The following SSBP3 variants were observed in gnomAD, a reference collection of about 807,000 sequenced individuals.
The protein encoded by SSBP3 is single-stranded DNA-binding protein 3.
SSBP3 carries 5 observed loss-of-function variants against 69.6 expected under a neutral mutation model. The observed-to-expected ratio is 0.07, with a 90% CI of 0.04 to 0.15. The LOEUF is 0.15. Among genes scored for constraint, SSBP3 ranks in the 10% least tolerant of loss-of-function variants. The pLI, the probability that SSBP3 is intolerant of heterozygous loss-of-function variation, is 1.00. For missense variants in SSBP3, 312 were observed against 534.0 expected, an observed-to-expected ratio of 0.58 and a Z score of 4.10; for synonymous variants, 196 against 193.4, an observed-to-expected ratio of 1.01 and a Z score of -0.11.
At chr1:54,310,827 A>G (rs10788978) in intron 4 of SSBP3, among the ~76,000 whole-genome samples, 151,209 of 152,334 alleles carry the variant, frequency 0.99, 75,046 homozygotes, top group East Asian at 1. Flanking sequence ...ACCTGTGAGG[A>G]TGGGGGGAGA....
At chr1:54,389,045 G>T (rs1308345879) in intron 4 of SSBP3, among the ~76,000 whole-genome samples, 1 of 152,194 alleles carries the variant, frequency 6.6e-6, no homozygotes, top group Non-Finnish European at 1.5e-5. Context: ...AGTTCTAGAA[G>T]AATCGGGTCT....
chr1:54,249,120 CATG>C (rs537680575), intron 9 of SSBP3, among the ~76,000 whole-genome samples: 18 of 152,214 alleles, frequency 1.2e-4, no homozygotes, highest in African/African-American at 4.1e-4. Flanking sequence ...CAGGGGCAGA[CATG>C]ATGAGACATC....
At chr1:54,281,914 T>C (rs1051434867) in intron 4 of SSBP3, among the ~76,000 whole-genome samples, 1 of 151,890 alleles carries the variant, frequency 6.6e-6, no homozygotes, top group Non-Finnish European at 1.5e-5. Flanking sequence ...GCGGGCAACA[T>C]AGGGAGACCC....
At chr1:54,250,283 G>C (rs765144610) in intron 9 of SSBP3, among the ~76,000 whole-genome samples, 3 of 152,246 alleles carry the variant, frequency 2.0e-5, no homozygotes, top group Non-Finnish European at 2.9e-5. Context: ...GGATTATGGG[G>C]CTGGCAGAAG....
intron 4 of SSBP3, among the ~76,000 whole-genome samples, chr1:54,314,236 G>C (rs889444289): frequency 2.0e-5 from 3 of 152,212 alleles, no homozygotes; most frequent in African/African-American, 7.2e-5. Context: ...TTGTCTGGCA[G>C]GGGTAGGGGA....
chr1:54,364,563 C>G (rs186722682), intron 4 of SSBP3, among the ~76,000 whole-genome samples: 35 of 152,284 alleles, frequency 2.3e-4, no homozygotes, highest in African/African-American at 6.7e-4. Flanking sequence ...AATAGAATAT[C>G]AAGTCCCACA....
intron 4 of SSBP3, among the ~76,000 whole-genome samples, chr1:54,309,953 A>G (rs1645970174): frequency 6.6e-6 from 1 of 151,836 alleles, no homozygotes; most frequent in African/African-American, 2.4e-5. Flanking sequence ...GGGTGGGGGG[A>G]GCACAAATCT....
In SSBP3 at chr1:54,258,163, C is replaced by G. The variant is rs1240779561; in HGVS notation, c.367-14G>C. The G allele has an allele frequency of 2.6e-6, 4 of 1,566,306 alleles. No homozygotes were observed. The highest frequency in any genetic ancestry group is 1.4e-5 in the African/African-American group (1 of 73,432). ...CCCCGGAGGACCCTGTGAGGCCAGACAGTAGAGGCAGGTTATAGATCACAG... is the reference window on the plus strand; with the variant it reads ...CCCCGGAGGACCCTGTGAGGCCAGAGAGTAGAGGCAGGTTATAGATCACAG... On this transcript the variant is annotated splice_polypyrimidine_tract_variant and intron_variant, in intron 5 of 17. Coordinates refer to ENST00000610401, the Ensembl canonical transcript of SSBP3. The surrounding 1 kb of genome is among the most constrained non-coding windows in gnomAD (Gnocchi z 4.5).
intron 5 of SSBP3, among the ~76,000 whole-genome samples, chr1:54,270,462 A>G (rs1645174075): frequency 2.0e-5 from 3 of 152,216 alleles, no homozygotes; most frequent in African/African-American, 7.2e-5. Context: ...GTAACGTGTT[A>G]AAGGGCCAAA....
At chr1:54,266,591 T>C (rs1313049823) in intron 5 of SSBP3, among the ~76,000 whole-genome samples, 3 of 152,204 alleles carry the variant, frequency 2.0e-5, no homozygotes, top group Non-Finnish European at 4.4e-5. Context: ...GAGTCTTCTG[T>C]AATTCTCAAG....
At chr1:54,285,179 G>A (rs1645465642) in intron 4 of SSBP3, among the ~76,000 whole-genome samples, 1 of 152,152 alleles carries the variant, frequency 6.6e-6, no homozygotes, top group African/African-American at 2.4e-5. Flanking sequence ...TGATTATGAA[G>A]CAAACATGTG....
At chr1:54,316,653 A>AT (rs1646105873) in intron 4 of SSBP3, among the ~76,000 whole-genome samples, 1 of 53,864 alleles carries the variant, frequency 1.9e-5, no homozygotes, top group Non-Finnish European at 3.0e-5. Context: ...GTCTCAAAAA[A>AT]AAAAAATAAA....
At chr1:54,273,369 A>G (rs1363054846) in intron 5 of SSBP3, among the ~76,000 whole-genome samples, 1 of 152,164 alleles carries the variant, frequency 6.6e-6, no homozygotes, top group Non-Finnish European at 1.5e-5. Context: ...TCAGGGCCAC[A>G]ACTTTTTTTC....
At chr1:54,309,921 G>A (rs759890622) in intron 4 of SSBP3, among the ~76,000 whole-genome samples, 8 of 152,082 alleles carry the variant, frequency 5.3e-5, no homozygotes, top group Non-Finnish European at 8.8e-5. Flanking sequence ...TGCTCTTGTT[G>A]CTCGGATGTT....
intron 4 of SSBP3, among the ~76,000 whole-genome samples, chr1:54,281,776 G>A (rs1399046821): frequency 6.6e-6 from 1 of 152,098 alleles, no homozygotes; most frequent in Non-Finnish European, 1.5e-5. Flanking sequence ...AGCAAGCAAC[G>A]AATTCCGAGG....
In SSBP3 at chr1:54,354,641, C is replaced by A. The variant is rs527290239; in HGVS notation, c.276+47220G>T. On this transcript the variant is annotated intron_variant, in intron 4 of 17. Transcript: ENST00000610401. ...CGAGATGGGGAGGGGGAGTGAGCCA[C>A]CTGAAGTCCCAGTAAGTACTCTAAG... 1.1e-4 allele frequency among the ~76,000 whole-genome samples: 16 copies of A among 152,238 alleles called. No individual in the cohort carries two copies. In the South Asian group the frequency reaches 3.3e-3, roughly 32 times the overall value.
intron 4 of SSBP3, among the ~76,000 whole-genome samples, chr1:54,397,395 G>A (rs943833248): frequency 1.3e-5 from 2 of 152,196 alleles, no homozygotes; most frequent in Non-Finnish European, 2.9e-5. Flanking sequence ...CACCAAGGAC[G>A]CTGGACCCCT....
intron 4 of SSBP3, among the ~76,000 whole-genome samples, chr1:54,281,988 C>T (rs967523145): frequency 2.6e-5 from 4 of 151,512 alleles, no homozygotes; most frequent in African/African-American, 4.8e-5. Flanking sequence ...TCCACTTACT[C>T]GGGAGGTTGA....
chr1:54,395,190 G>C (rs1168639881), intron 4 of SSBP3, among the ~76,000 whole-genome samples: 1 of 152,132 alleles, frequency 6.6e-6, no homozygotes, highest in Non-Finnish European at 1.5e-5. Context: ...AATGACACAG[G>C]ATTTCACAGC....
Sources: allele counts gnomAD v4.1 joint callset (sites outside exome capture counted in the v4.1 genomes callset), GRCh38; gene constraint gnomAD v4.1.1; non-coding constraint Gnocchi (gnomAD v3.1); transcripts MANE v1.5; gene names NCBI Gene and HGNC (gene_info 2026-07-23, HGNC 2026-07-21).